DNAI4: variants seen among roughly 807,000 people sequenced by gnomAD.
The protein encoded by DNAI4 is dynein axonemal intermediate chain 4, also known as WD repeat domain 78.
DNAI4 carries 85 observed loss-of-function variants against 105.8 expected under a neutral mutation model. The observed-to-expected ratio is 0.80, with a 90% CI of 0.67 to 0.96. DNAI4 has a LOEUF of 0.96. DNAI4 is among the 40% of genes least tolerant of loss of function. The probability of loss-of-function intolerance (pLI) is 0.00; values close to 1 mark genes in which losing one functional copy is unlikely to be tolerated. For synonymous variants in DNAI4, 352 were observed against 331.5 expected (o/e 1.06, Z -0.67); for missense variants, 1,014 against 1,005.6 (o/e 1.01, Z -0.11).
chr1:66,899,480 A>C (rs1191369958), intron 2 of DNAI4, among the ~76,000 whole-genome samples: 1 of 152,196 alleles, frequency 6.6e-6, no homozygotes, highest in African/African-American at 2.4e-5. Context: ...TATATGATAA[A>C]AGCTCTTATC....
chr1:66,874,651 T>C (rs1646923125), intron 5 of DNAI4, 130 bp downstream of exon 5: 1 of 735,048 alleles, frequency 1.4e-6, no homozygotes, highest in African/African-American at 1.8e-5. Context: ...GTAGGGAATA[T>C]ACAGTCTCCC....
At chr1:66,870,584 C>A (rs1166634332) in intron 6 of DNAI4, among the ~76,000 whole-genome samples, 1 of 150,444 alleles carries the variant, frequency 6.6e-6, no homozygotes, top group South Asian at 2.1e-4. Flanking sequence ...AAACCCATCT[C>A]TATAAAAATA....
chr1:66,855,367 G>C (rs1419498205), intron 7 of DNAI4, among the ~76,000 whole-genome samples: 1 of 152,198 alleles, frequency 6.6e-6, no homozygotes, highest in African/African-American at 2.4e-5. Context: ...TCTGAGATCT[G>C]TGAGTATAAT....
At chr1:66,843,265 G>C (rs889603283) in intron 8 of DNAI4, among the ~76,000 whole-genome samples, 1 of 150,714 alleles carries the variant, frequency 6.6e-6, no homozygotes, top group African/African-American at 2.4e-5. Flanking sequence ...AGAAGAACAA[G>C]AAGAAGAGAA....
intron 1 of DNAI4, among the ~76,000 whole-genome samples, chr1:66,914,779 T>C (rs1437505002): frequency 6.6e-6 from 1 of 152,184 alleles, no homozygotes; most frequent in Non-Finnish European, 1.5e-5. Context: ...TATGTCTATG[T>C]ATCTATGTGT....
intron 5 of DNAI4, among the ~76,000 whole-genome samples, chr1:66,873,510 C>CA (rs1323573308): frequency 6.6e-6 from 1 of 152,208 alleles, no homozygotes; most frequent in African/African-American, 2.4e-5. Flanking sequence ...CTTGGCCTCC[C>CA]AGAGTGCTGG....
At chr1:66,851,352 A>C (rs1417618759) in intron 7 of DNAI4, among the ~76,000 whole-genome samples, 2 of 151,952 alleles carry the variant, frequency 1.3e-5, no homozygotes, top group Non-Finnish European at 2.9e-5. Context: ...AATTATTAGA[A>C]TTGAAAAGAG....
rs1250801976 is a variant in DNAI4 at position 66,915,375 on chromosome 1, A to T, written c.170+9287T>A. 2.6e-5 allele frequency among the ~76,000 whole-genome samples: 4 copies of T among 152,364 alleles called. No individual in the cohort carries two copies. The East Asian group carries it at 7.7e-4, about 29-fold the overall frequency. ...GAACAAGGACAGCTTGGAGGTTAGA[A>T]GCAAGATGGAGTCAGTTAGGTCATA... On this transcript the variant is annotated intron_variant, in intron 1 of 16. Coordinates refer to ENST00000371026, the MANE Select transcript of DNAI4 (RefSeq NM_024763.5).
intron 6 of DNAI4, among the ~76,000 whole-genome samples, chr1:66,862,970 T>C (rs544415801): frequency 6.6e-6 from 1 of 152,378 alleles, no homozygotes; most frequent in South Asian, 2.1e-4. Context: ...TAAAATTTCC[T>C]ATACACTTAT....
At chr1:66,922,835 A>G (rs1288054465) in intron 1 of DNAI4, among the ~76,000 whole-genome samples, 7 of 152,232 alleles carry the variant, frequency 4.6e-5, no homozygotes, top group Non-Finnish European at 1.0e-4. Context: ...TGAGATGTTT[A>G]TTAACTTATA....
Position 66,865,674 on chromosome 1 carries a change from C to A in DNAI4, c.941-3372G>T, listed in dbSNP as rs550965741. On this transcript the variant is annotated intron_variant, in intron 6 of 16. Transcript: ENST00000371026. ...ACTGTCACAGCTAGACAAGCACAGA[C>A]TTCCTCCACAGGGGTAAGAACAGCC... Among the ~76,000 whole-genome samples, 5 of 152,322 alleles carry A rather than the reference C, an allele frequency of 3.3e-5. No individual in the cohort carries two copies. In the South Asian group the frequency reaches 1.0e-3, roughly 32 times the overall value.
At chr1:66,918,558 T>C (rs1382057102) in intron 1 of DNAI4, among the ~76,000 whole-genome samples, 7 of 152,202 alleles carry the variant, frequency 4.6e-5, no homozygotes, top group African/African-American at 1.7e-4. Context: ...TCATACCTAC[T>C]TACTGATGTA....
At chr1:66,904,821 A>C (rs1649116131) in intron 2 of DNAI4, 1 of 195,166 alleles carries the variant, frequency 5.1e-6, no homozygotes, top group East Asian at 1.2e-4. Flanking sequence ...TAAAAGAGTC[A>C]ATTCTTAATT....
At position 66,826,978 on chromosome 1, in the gene DNAI4, C is replaced by T. The variant is rs112665375; in HGVS notation, c.2181G>A (p.Trp727Ter). 1 of 1,614,026 alleles carries T rather than the reference C, an allele frequency of 6.2e-7. No individual in the cohort carries two copies. The highest frequency in any genetic ancestry group is 1.1e-5 in the South Asian group (1 of 91,074). Residue 727 changes from tryptophan (W) to a stop codon, truncating the protein, a stop_gained, in exon 15 of 17, where the codon TGG becomes TGA. Coordinates refer to ENST00000371026, the MANE Select transcript of DNAI4 (RefSeq NM_024763.5). LOFTEE classifies it high-confidence loss of function. ...TCTCCTGTTGCCATATAATAACACCCCAATCTGCAGAACAGCTTAAAAATA... is the reference window on the plus strand; with the variant it reads ...TCTCCTGTTGCCATATAATAACACCTCAATCTGCAGAACAGCTTAAAAATA... ...HDVFLSCSAD[W>*]GVIIWQQENV...
chr1:66,832,686 C>T (rs2100408682), intron 13 of DNAI4, among the ~76,000 whole-genome samples: 1 of 152,182 alleles, frequency 6.6e-6, no homozygotes, highest in South Asian at 2.1e-4. Flanking sequence ...TTGTTTGTAA[C>T]ACAAAGGATA....
chr1:66,873,801 C>T (rs1024603657), intron 5 of DNAI4, among the ~76,000 whole-genome samples: 3 of 151,702 alleles, frequency 2.0e-5, no homozygotes, highest in Middle Eastern at 6.8e-3. Flanking sequence ...CAGCATTTCT[C>T]CCCTTCTGAT....
intron 7 of DNAI4, among the ~76,000 whole-genome samples, chr1:66,849,442 G>T (rs1234204167): frequency 1.3e-5 from 2 of 152,144 alleles, no homozygotes; most frequent in Non-Finnish European, 2.9e-5. Flanking sequence ...AACAAAGCCT[G>T]CTAAAATGGA....
chr1:66,844,570 GAATA>G lies in DNAI4; in HGVS notation c.1291+2910_1291+2913del, dbSNP rs1051912537. ...AGAGTAAGACTCTGTCTCAAAAAAT[GAATA>G]AATAAATAAATAAATAATCCAATAT... On this transcript the variant is annotated intron_variant, in intron 8 of 16. Coordinates refer to ENST00000371026, the MANE Select transcript of DNAI4 (RefSeq NM_024763.5). 7.3e-5 allele frequency among the ~76,000 whole-genome samples: 11 copies of G among 151,674 alleles called. No individual in the cohort carries two copies. The East Asian group carries it at 1.2e-3, about 16-fold the overall frequency.
At chr1:66,857,571 T>G (rs1145933) in intron 7 of DNAI4, among the ~76,000 whole-genome samples, 34,935 of 150,730 alleles carry the variant, frequency 0.23, 4,544 homozygotes, top group East Asian at 0.55. Context: ...TTTCACTCTT[T>G]TTGCCCAGGC....
Sources: gnomAD v4.1 joint callset for allele counts (sites outside exome capture counted in the v4.1 genomes callset) on GRCh38, gnomAD v4.1.1 for gene constraint, MANE v1.5 for transcripts, NCBI Gene and HGNC (gene_info 2026-07-23, HGNC 2026-07-21) for gene names.